ARHGAP11A: variants seen among roughly 807,000 people sequenced by gnomAD.
ARHGAP11A encodes Rho GTPase activating protein 11A, also known as rho GTPase-activating protein 11A.
A neutral mutation model predicts 60.5 loss-of-function variants in ARHGAP11A; 36 were observed. The ratio of observed to expected loss-of-function variants is 0.59; its 90% CI spans 0.46 to 0.79. The LOEUF (loss-of-function observed/expected upper bound fraction) is 0.79. Among genes scored for constraint, ARHGAP11A ranks in the 30% least tolerant of loss-of-function variants. The pLI is 0.00. For missense variants in ARHGAP11A, 1,071 were observed against 1,199.2 expected (o/e 0.89, Z 1.58); for synonymous variants, 362 against 415.5 (o/e 0.87, Z 1.57).
chr15:32,615,286 T>TC (rs1460088267), upstream of ARHGAP11A: 2 of 151,884 alleles, frequency 1.3e-5, no homozygotes, highest in African/African-American at 4.8e-5. Context: ...TAAACAGTAT[T>TC]CCCCCGCCCC....
In ARHGAP11A at chr15:32,635,919, C is replaced by T. The variant is rs925459110; in HGVS notation, c.1483+4C>T. On this transcript the variant is annotated splice_donor_region_variant and intron_variant, in intron 11 of 11. Transcript: ENST00000361627. ...GATGAAAAGTTACCAAAGAAAGGTACATTTACATACTACTGTTAGAGTTTT... is the reference window on the plus strand; with the variant it reads ...GATGAAAAGTTACCAAAGAAAGGTATATTTACATACTACTGTTAGAGTTTT... The T allele has an allele frequency of 2.5e-6, 4 of 1,602,340 alleles. No homozygotes were observed. The highest frequency in any genetic ancestry group is 3.4e-6 in the Non-Finnish European group (4 of 1,176,040).
In ARHGAP11A at chr15:32,636,897, A is replaced by G. The variant is rs764059949; in HGVS notation, c.2124A>G (p.Pro708=). Residue 708 remains proline, a synonymous_variant, in exon 12 of 12, where the codon CCA becomes CCG. Transcript: ENST00000361627. ...AAAAAGACATTCATTCAAATATGCC[A>G]AAAGATTATTTAAGCAAGCAAGAAT... ...EHEKDIHSNM[P]KDYLSKQEFS... The G allele has an allele frequency of 1.5e-5, 25 of 1,613,398 alleles. No individual in the cohort carries two copies. Among genetic ancestry groups the G allele is most frequent in the Non-Finnish European group, 2.0e-5 (24 of 1,179,846 alleles).
chr15:32,621,469 C>T (rs1329217406), intron 2 of ARHGAP11A, among the ~76,000 whole-genome samples: 1 of 152,226 alleles, frequency 6.6e-6, no homozygotes, highest in Non-Finnish European at 1.5e-5. Flanking sequence ...GGATTACAGG[C>T]GTGAGCCACT....
chr15:32,635,822 C>T lies in ARHGAP11A; in HGVS notation c.1390C>T (p.Leu464Phe), dbSNP rs1567059635. ...TAGATATGAAAGTGTTGGTTGGCGA[C>T]TTGCAAATCAACAAAGTTTAAAAAA... ...VNRYESVGWRLANQQSLKNRI... is the reference protein window; with the variant it reads ...VNRYESVGWRFANQQSLKNRI... The change falls in exon 11 of 12, where the codon CTT becomes TTT. Residue 464 changes from leucine to phenylalanine, a missense_variant. Transcript: ENST00000361627. The T allele has an allele frequency of 6.2e-7, 1 of 1,610,176 alleles. No homozygotes were observed.
In ARHGAP11A at chr15:32,636,941, TAAA is replaced by T; in HGVS notation, c.2169_2171del (p.Ile723_Lys724delinsMet). ...CAAGAATTCTCCAGTGATGAAGAAATAAAGAAACAGCAGTCCCCAAAGGATAAA... is the reference window on the plus strand; with the variant it reads ...CAAGAATTCTCCAGTGATGAAGAAATGAAACAGCAGTCCCCAAAGGATAAA... On this transcript the variant is annotated inframe_deletion, in exon 12 of 12. Coordinates refer to ENST00000361627, the MANE Select transcript of ARHGAP11A (RefSeq NM_014783.6). 1 of 1,610,696 alleles carries T rather than the reference TAAA, an allele frequency of 6.2e-7. No individual in the cohort carries two copies. Among genetic ancestry groups the T allele is most frequent in the Non-Finnish European group, 8.5e-7 (1 of 1,179,120 alleles).
At chr15:32,624,104 CAA>C (rs1442432114) in intron 3 of ARHGAP11A, 67 bp from the exon 4 acceptor site, 2 of 1,604,722 alleles carry the variant, frequency 1.2e-6, no homozygotes, top group African/African-American at 2.7e-5. Flanking sequence ...TAGAGTATAA[CAA>C]AAGATACTTT....
intron 2 of ARHGAP11A, among the ~76,000 whole-genome samples, chr15:32,622,483 A>C (rs542394179): frequency 1.3e-5 from 2 of 152,228 alleles, no homozygotes; most frequent in Non-Finnish European, 2.9e-5. Context: ...ATTCCCAGGA[A>C]TCATGACTAT....
chr15:32,616,143 T>G lies in ARHGAP11A; in HGVS notation c.-69T>G. On this transcript the variant is annotated 5_prime_UTR_variant, in exon 1 of 12. The change creates a new upstream start codon in the 5' untranslated region. Coordinates refer to ENST00000361627, the MANE Select transcript of ARHGAP11A (RefSeq NM_014783.6). ...TTCAAATTTGAGAGCGTTTGGAAAT[T>G]GGAAGACTTGGTGGCGAACGAGGGT... 1 of 1,537,570 alleles carries G rather than the reference T, an allele frequency of 6.5e-7. No individual in the cohort carries two copies. The highest frequency in any genetic ancestry group is 8.8e-7 in the Non-Finnish European group (1 of 1,142,156).
At position 32,625,095 on chromosome 15, in the gene ARHGAP11A, G is replaced by T; in HGVS notation, c.567G>T (p.Lys189Asn). The part of the protein sequence containing the change: ...RNVSLRSSEN[K>N]MDSSNLAVIF... ...TTCACTTAAGATCCAGTGAGAATAA[G>T]ATGGACAGCAGCAATCTTGCAGTAA... Residue 189 changes from lysine (K) to asparagine (N), a missense_variant, in exon 5 of 12, where the codon AAG (lysine) becomes AAT (asparagine). Lys to Asn is a moderately conservative substitution (Grantham distance 94). Around this residue, in one of 4 missense-constraint regions of ARHGAP11A, gnomAD observed 196 missense variants for 272.1 expected, o/e 0.72. Coordinates refer to ENST00000361627, the MANE Select transcript of ARHGAP11A (RefSeq NM_014783.6). The T allele has an allele frequency of 6.2e-7, 1 of 1,613,890 alleles. No homozygotes were observed. Among genetic ancestry groups the T allele is most frequent in the East Asian group, 2.2e-5 (1 of 44,870 alleles).
chr15:32,637,254 C>A lies in ARHGAP11A; in HGVS notation c.2481C>A (p.Val827=). 10 of 1,614,202 alleles carry A rather than the reference C, an allele frequency of 6.2e-6. No homozygotes were observed. The highest frequency in any genetic ancestry group is 8.5e-6 in the Non-Finnish European group (10 of 1,180,036). The change falls in exon 12 of 12, where the codon GTC becomes GTA. Residue 827 remains valine, a synonymous_variant. Transcript: ENST00000361627. ...LSLNEPNRIK[V]KSPLKFQRTP... is the part of the protein sequence containing the mutation. ...TAAATGAACCAAATAGAATAAAAGT[C>A]AAGTCACCTCTTAAGTTTCAGCGTA...
In ARHGAP11A at chr15:32,625,523, C is replaced by T. The variant is rs1281756347; in HGVS notation, c.752C>T (p.Ala251Val). ...GATTTTATCCTGGAAAAGATACCAGCCATGTTGGGTATTGATGGTCTCTGT... is the reference window on the plus strand; with the variant it reads ...GATTTTATCCTGGAAAAGATACCAGTCATGTTGGGTATTGATGGTCTCTGT... Reference protein sequence around the residue: ...VPDFILEKIPAMLGIDGLCAT... With the variant: ...VPDFILEKIPVMLGIDGLCAT... Residue 251 changes from alanine to valine, a missense_variant, in exon 6 of 12, where the codon GCC (alanine) becomes GTC (valine). Coordinates refer to ENST00000361627, the MANE Select transcript of ARHGAP11A (RefSeq NM_014783.6). 7 of 1,613,708 alleles carry T rather than the reference C, an allele frequency of 4.3e-6. No homozygotes were observed. Among genetic ancestry groups the T allele is most frequent in the Non-Finnish European group, 5.9e-6 (7 of 1,179,834 alleles).
rs773617500 is a variant in ARHGAP11A, at chr15:32,636,913, A to G, written c.2140A>G (p.Lys714Glu). The G allele has an allele frequency of 1.2e-6, 2 of 1,613,196 alleles. No individual in the cohort carries two copies. Among genetic ancestry groups the G allele is most frequent in the African/African-American group, 2.7e-5 (2 of 74,914 alleles). ...HSNMPKDYLS[K>E]QEFSSDEEIK... ...AAATATGCCAAAAGATTATTTAAGC[A>G]AGCAAGAATTCTCCAGTGATGAAGA... is the stretch of plus-strand genomic sequence containing the variant. The change falls in exon 12 of 12, where the codon AAG (lysine) becomes GAG (glutamate). Residue 714 changes from lysine to glutamate, a missense_variant. By Grantham distance (56) the Lys-to-Glu change is moderately conservative (BLOSUM62 1). This residue lies in a region of ARHGAP11A where 776 missense variants were observed against 760.2 expected (regional missense o/e 1.02). Coordinates refer to ENST00000361627, the MANE Select transcript of ARHGAP11A (RefSeq NM_014783.6).
rs1431162893 is a variant in ARHGAP11A at position 32,636,167 on chromosome 15, AT to A, written c.1484-89del. On this transcript the variant is annotated intron_variant, in intron 11 of 11. Transcript: ENST00000361627. ...AACACAAATACTTTATTAGAATTAA[AT>A]GCTTAGTGACTTATTTGCCATGTGC... The A allele has an allele frequency of 2.3e-4, 343 of 1,466,224 alleles. 3 individuals are homozygous for A. Among genetic ancestry groups the A allele is most frequent in the Non-Finnish European group, 3.0e-5 (33 of 1,111,254 alleles). The allele number at this position is 1,466,224 out of a possible 1,614,324, so 90.8% of individuals were successfully genotyped here.
In ARHGAP11A at chr15:32,615,748, C is replaced by G. The variant is rs914320893; in HGVS notation, c.-464C>G. ...GCGGCCAGGCTAGGGCGGGGGCGAG[C>G]GCCCAGTTGAGCCTGCTGGGGCTGG... On this transcript the variant is annotated 5_prime_UTR_variant, in exon 1 of 12. Transcript: ENST00000361627. 1 of 154,600 alleles carries G rather than the reference C, an allele frequency of 6.5e-6. No individual in the cohort carries two copies. Among genetic ancestry groups the G allele is most frequent in the African/African-American group, 2.4e-5 (1 of 41,518 alleles). 9.6% of individuals were successfully genotyped at this position (154,600 alleles called of 1,614,324 possible).
rs568004410 is a variant in ARHGAP11A, at chr15:32,635,969, T to C, written c.1483+54T>C. On this transcript the variant is annotated intron_variant, in intron 11 of 11. Transcript: ENST00000361627. ...TACCTAAAAATCCTGCTTTAGTTGCTTTTTTAATGGCAAAACATATTAATT... is the reference window on the plus strand; with the variant it reads ...TACCTAAAAATCCTGCTTTAGTTGCCTTTTTAATGGCAAAACATATTAATT... 4.1e-5 allele frequency: 62 copies of C among 1,525,120 alleles called. 1 individual carries two copies. The South Asian group carries it at 7.9e-4, about 19-fold the overall frequency. The allele number at this position is 1,525,120 out of a possible 1,614,324, so 94.5% of individuals were successfully genotyped here.
intron 2 of ARHGAP11A, among the ~76,000 whole-genome samples, chr15:32,621,550 G>A (rs1300348203): frequency 2.6e-5 from 4 of 152,288 alleles, no homozygotes; most frequent in Admixed American, 6.5e-5. Flanking sequence ...ATTTAGCCGG[G>A]CGCCGGGGCT....
Position 32,623,498 on chromosome 15 carries a change from T to C in ARHGAP11A, c.207T>C (p.Leu69=), listed in dbSNP as rs770310248. Reference sequence around the variant, plus strand: ...GAAAAAATCTCTCTTTCAGCTTTCTTGTCGATGCTTGCACATCTTTAGAAG... The same window carrying C: ...GAAAAAATCTCTCTTTCAGCTTTCTCGTCGATGCTTGCACATCTTTAGAAG... The part of the protein sequence containing the change: ...VPEYGHIPSF[L]VDACTSLEDH... The change falls in exon 3 of 12, where the codon CTT becomes CTC. Residue 69 remains leucine (L), a synonymous_variant. Coordinates refer to ENST00000361627, the MANE Select transcript of ARHGAP11A (RefSeq NM_014783.6). 1.2e-6 allele frequency: 2 copies of C among 1,611,086 alleles called. No individual in the cohort carries two copies. The highest frequency in any genetic ancestry group is 2.2e-5 in the South Asian group (2 of 90,054).
chr15:32,623,715 CAGA>C, intron 3 of ARHGAP11A, 127 bp downstream of exon 3: 2 of 846,700 alleles, frequency 2.4e-6, no homozygotes, highest in African/African-American at 1.8e-5. Flanking sequence ...TTTTTCATGG[CAGA>C]AGATTTTTTT....
chr15:32,628,950 C>T, intron 7 of ARHGAP11A, 148 bp downstream of exon 7: 3 of 578,046 alleles, frequency 5.2e-6, no homozygotes, highest in Non-Finnish European at 8.1e-6. Context: ...GTACTATACA[C>T]ACTATGTTGT....
Sources: gnomAD v4.1 joint callset for allele counts (sites outside exome capture counted in the v4.1 genomes callset) on GRCh38, gnomAD v4.1.1 for gene constraint, gnomAD v4.1.1 regional missense constraint, MANE v1.5 for transcripts, NCBI Gene and HGNC (gene_info 2026-07-23, HGNC 2026-07-21) for gene names.